Variants in DENND2B observed in about 807,000 individuals in gnomAD.
DENND2B encodes DENN domain-containing protein 2B.
In DENND2B, 32 loss-of-function variants were observed where a neutral mutation model predicts 116.0. The ratio of observed to expected loss-of-function variants is 0.28; its 90% CI spans 0.21 to 0.37. The LOEUF (loss-of-function observed/expected upper bound fraction) is 0.37, where lower values mean the gene tolerates loss of function less well. Among genes scored for constraint, DENND2B ranks in the 10% least tolerant of loss-of-function variants. The probability of loss-of-function intolerance (pLI) is 1.00; values close to 1 mark genes in which losing one functional copy is unlikely to be tolerated. For missense variants in DENND2B, 1,276 were observed against 1,477.7 expected (o/e 0.86, Z 2.24); for synonymous variants, 588 against 583.9 (o/e 1.01, Z -0.10).
At position 8,736,126 on chromosome 11, in the gene DENND2B, G is replaced by A. The variant is rs755495540; in HGVS notation, c.81-4917C>T. ...TTGCTAGCCTTCTCTGCATCTGAACGAAGGAAGCCACCTATCACCAAGACC... is the reference window on the plus strand; with the variant it reads ...TTGCTAGCCTTCTCTGCATCTGAACAAAGGAAGCCACCTATCACCAAGACC... On this transcript the variant is annotated intron_variant, in intron 2 of 19. Coordinates refer to ENST00000313726, the MANE Select transcript of DENND2B (RefSeq NM_213618.2). 1.3e-4 allele frequency among the ~76,000 whole-genome samples: 20 copies of A among 152,300 alleles called. No homozygotes were observed. In the East Asian group the frequency reaches 2.3e-3, roughly 18 times the overall value.
intron 1 of DENND2B, among the ~76,000 whole-genome samples, chr11:8,790,970 T>C (rs56158708): frequency 0.022 from 3,287 of 152,284 alleles, 55 homozygotes; most frequent in Middle Eastern, 0.054. Context: ...CTGACTAGCT[T>C]AGTGTCTGGG....
chr11:8,698,969 C>T lies in DENND2B; in HGVS notation c.2904G>A (p.Leu968=), dbSNP rs750902969. 6.2e-7 allele frequency: 1 copy of T among 1,614,182 alleles called. No individual in the cohort carries two copies. Among genetic ancestry groups the T allele is most frequent in the Admixed American group, 1.7e-5 (1 of 60,020 alleles). The part of the protein sequence containing the change: ...KLKELPVEEA[L]MVNLGSDRFI... ...ATCGGTCAGATCCCAGATTCACCAT[C>T]AGCGCCTGAGAAAAGGAGTCATTAG... is the stretch of plus-strand genomic sequence containing the variant. The change falls in exon 16 of 20, where the codon CTG becomes CTA. Residue 968 remains leucine, a synonymous_variant. Coordinates refer to ENST00000313726, the MANE Select transcript of DENND2B (RefSeq NM_213618.2).
At chr11:8,863,619 G>A (rs1360378800) in intron 2 of DENND2B, among the ~76,000 whole-genome samples, 1 of 151,902 alleles carries the variant, frequency 6.6e-6, no homozygotes, top group African/African-American at 2.4e-5. Context: ...TACAAATGGG[G>A]GAAAAATAGC....
At chr11:8,696,701 C>A in intron 17 of DENND2B, 35 bp from the exon 18 acceptor site, 1 of 1,606,712 alleles carries the variant, frequency 6.2e-7, no homozygotes, top group South Asian at 1.1e-5. Flanking sequence ...AGGTTCAGGT[C>A]AAGAGCCTGC....
At chr11:8,809,635 G>A (rs533365907) in intron 1 of DENND2B, 5 of 152,198 alleles carry the variant, frequency 3.3e-5, no homozygotes, top group Admixed American at 2.0e-4. Flanking sequence ...CACTCCTCTA[G>A]GTCAGAACAA....
At position 8,693,966 on chromosome 11, in the gene DENND2B, G is replaced by T; in HGVS notation, c.*130C>A. ...TATCCTGGGATATGATGAAGGCAGA[G>T]GTGGGCTGGCTTGGAGGATAGGATC... On this transcript the variant is annotated 3_prime_UTR_variant, in exon 20 of 20. Transcript: ENST00000313726. 1.1e-6 allele frequency: 1 copy of T among 872,630 alleles called. No homozygotes were observed. The allele number at this position is 872,630 out of a possible 1,614,324, so 54.1% of individuals were successfully genotyped here. A position where few individuals can be genotyped will look rare whatever the true frequency, so the allele number is the denominator to read the frequency against.
At chr11:8,778,106 T>A (rs966772219) in intron 1 of DENND2B, among the ~76,000 whole-genome samples, 1 of 152,182 alleles carries the variant, frequency 6.6e-6, no homozygotes, top group Admixed American at 6.5e-5. Context: ...TTATACCACA[T>A]GTGAGCACTA....
At chr11:8,819,060 C>T (rs1422615751) in intron 4 of DENND2B, among the ~76,000 whole-genome samples, 3 of 152,152 alleles carry the variant, frequency 2.0e-5, no homozygotes, top group Admixed American at 2.0e-4. Flanking sequence ...AAAGAAGTTA[C>T]GTTTTTTGTA....
At chr11:8,753,679 G>C (rs2134065934) in intron 1 of DENND2B, among the ~76,000 whole-genome samples, 1 of 152,090 alleles carries the variant, frequency 6.6e-6, no homozygotes, top group Middle Eastern at 3.4e-3. Context: ...AAGTAACCAA[G>C]ACAGTGCAGT....
chr11:8,822,700 C>T (rs915911328), intron 4 of DENND2B, among the ~76,000 whole-genome samples: 4 of 152,300 alleles, frequency 2.6e-5, no homozygotes, highest in African/African-American at 9.6e-5. Flanking sequence ...CTAGTTTCGG[C>T]ATTCCATTCA....
intron 14 of DENND2B, 51 bp from the exon 15 acceptor site, chr11:8,699,441 A>G: frequency 6.5e-7 from 1 of 1,526,872 alleles, no homozygotes; most frequent in Non-Finnish European, 8.7e-7. Context: ...CCAGGAACTT[A>G]GAGCTCGCTG....
rs149298836 is a variant in DENND2B, at chr11:8,695,852, G to A, written c.3293-303C>T. ...AAGTGGACATCTCTAGCTTCCTTCAGACAACTCTACCATGTTGTTCCAAAA... is the reference window on the plus strand; with the variant it reads ...AAGTGGACATCTCTAGCTTCCTTCAAACAACTCTACCATGTTGTTCCAAAA... On this transcript the variant is annotated intron_variant, in intron 18 of 19. Coordinates refer to ENST00000313726, the MANE Select transcript of DENND2B (RefSeq NM_213618.2). The A allele has an allele frequency of 3.8e-5, 17 of 447,192 alleles. No individual in the cohort carries two copies. The East Asian group carries it at 6.7e-4, about 18-fold the overall frequency. 27.7% of individuals were successfully genotyped at this position (447,192 alleles called of 1,614,324 possible).
intron 2 of DENND2B, among the ~76,000 whole-genome samples, chr11:8,732,608 T>C (rs1232206238): frequency 6.6e-6 from 1 of 151,380 alleles, no homozygotes; most frequent in Non-Finnish European, 1.5e-5. Flanking sequence ...ACAAATAGTG[T>C]CTGGAAGGTG....
intron 5 of DENND2B, among the ~76,000 whole-genome samples, chr11:8,716,338 C>G (rs1485998864): frequency 1.3e-5 from 2 of 152,212 alleles, no homozygotes; most frequent in African/African-American, 2.4e-5. Context: ...CTGGGCCAGG[C>G]AGGCCTCACA....
At chr11:8,847,676 C>A (rs2062861639) in intron 3 of DENND2B, among the ~76,000 whole-genome samples, 2 of 152,248 alleles carry the variant, frequency 1.3e-5, no homozygotes, top group South Asian at 4.2e-4. Context: ...GATATTGATT[C>A]TCAAGGCAAT....
At chr11:8,708,205 C>T (rs922223950) in intron 11 of DENND2B, 1 of 1,243,620 alleles carries the variant, frequency 8.0e-7, no homozygotes, top group Non-Finnish European at 1.0e-6. Flanking sequence ...GAGGCTGGGA[C>T]CCCAGCAGAT....
chr11:8,854,016 A>ATTTTTTTTTTTTTTTTT (rs71059187), intron 3 of DENND2B, among the ~76,000 whole-genome samples: 2 of 62,756 alleles, frequency 3.2e-5, no homozygotes, highest in African/African-American at 1.2e-4. Flanking sequence ...GCCCCAGTTA[A>ATTTTTTTTTTTTTTTTT]TTTTTTTTTT....
chr11:8,696,030 A>C (rs1409640638), intron 18 of DENND2B: 1 of 258,138 alleles, frequency 3.9e-6, no homozygotes, highest in Non-Finnish European at 7.4e-6. Flanking sequence ...GAAGACTGCC[A>C]CCAACCTACG....
intron 2 of DENND2B, among the ~76,000 whole-genome samples, chr11:8,732,262 T>C (rs2048248704): frequency 6.6e-6 from 1 of 152,250 alleles, no homozygotes; most frequent in Non-Finnish European, 1.5e-5. Flanking sequence ...TTTTTACATA[T>C]GTTAACTCAT....
Sources: allele counts gnomAD v4.1 joint callset (sites outside exome capture counted in the v4.1 genomes callset), GRCh38; gene constraint gnomAD v4.1.1; transcripts MANE v1.5; gene names NCBI Gene and HGNC (gene_info 2026-07-23, HGNC 2026-07-21).